Variants in CTNND2 observed in about 807,000 individuals in gnomAD.
CTNND2 encodes the protein catenin delta 2, also known as catenin delta-2.
In CTNND2, 22 loss-of-function variants were observed where a neutral mutation model predicts 144.4. The observed-to-expected ratio is 0.15, with a 90% confidence interval of 0.11 to 0.22. The LOEUF is 0.22. Ranked by LOEUF, CTNND2 falls within the 10% of genes least tolerant of loss-of-function variation. The pLI, the probability that CTNND2 is intolerant of heterozygous loss-of-function variation, is 1.00. For missense variants in CTNND2, 1,353 were observed against 1,618.8 expected, an observed-to-expected ratio of 0.84 and a Z score of 2.82; for synonymous variants, 751 against 695.6, an observed-to-expected ratio of 1.08 and a Z score of -1.25.
intron 9 of CTNND2, among the ~76,000 whole-genome samples, chr5:11,241,019 AAC>A (rs368420419): frequency 3.5e-4 from 51 of 144,710 alleles, no homozygotes; most frequent in African/African-American, 7.4e-4. Context: ...ACACACACCC[AAC>A]ACACACACCC....
chr5:11,301,275 C>A (rs895303571), intron 9 of CTNND2, among the ~76,000 whole-genome samples: 3 of 152,246 alleles, frequency 2.0e-5, no homozygotes, highest in African/African-American at 7.2e-5. Context: ...CCTCTGCCTC[C>A]CAAAGTGCTG....
intron 8 of CTNND2, among the ~76,000 whole-genome samples, chr5:11,357,936 G>GAATCTGC: frequency 6.6e-6 from 1 of 152,138 alleles, no homozygotes; most frequent in Non-Finnish European, 1.5e-5. Context: ...CTGCTAATGT[G>GAATCTGC]TAATTATGGT....
intron 2 of CTNND2, among the ~76,000 whole-genome samples, chr5:11,678,384 G>C (rs1581708496): frequency 6.6e-6 from 1 of 152,094 alleles, no homozygotes; most frequent in Non-Finnish European, 1.5e-5. Flanking sequence ...AAATTGGCTA[G>C]AGCTCTAGAC....
chr5:11,669,712 G>T (rs927462111), intron 2 of CTNND2, among the ~76,000 whole-genome samples: 2 of 151,712 alleles, frequency 1.3e-5, no homozygotes, highest in African/African-American at 2.4e-5. Context: ...TGGATTCATT[G>T]ATTTTTTTTT....
At chr5:11,499,349 T>C (rs1316848341) in intron 3 of CTNND2, among the ~76,000 whole-genome samples, 1 of 152,236 alleles carries the variant, frequency 6.6e-6, no homozygotes, top group Admixed American at 6.5e-5. Flanking sequence ...TAATTCTGCA[T>C]TGCCCTACAG....
chr5:11,860,308 G>T (rs1239995265), intron 1 of CTNND2, among the ~76,000 whole-genome samples: 1 of 152,134 alleles, frequency 6.6e-6, no homozygotes. Context: ...ACATTTGCTG[G>T]ACAACTCCGT....
chr5:11,633,766 G>A (rs1209927287), intron 2 of CTNND2, among the ~76,000 whole-genome samples: 1 of 129,194 alleles, frequency 7.7e-6, no homozygotes, highest in African/African-American at 3.0e-5. Flanking sequence ...ACAGAATGAG[G>A]CACTGTCTCA....
chr5:11,783,003 G>A (rs959231750), intron 1 of CTNND2, among the ~76,000 whole-genome samples: 10 of 152,300 alleles, frequency 6.6e-5, no homozygotes, highest in African/African-American at 2.4e-4. Flanking sequence ...CTGTGGCCCA[G>A]AGGGAATCGT....
At chr5:11,229,542 A>G (rs1740745020) in intron 10 of CTNND2, among the ~76,000 whole-genome samples, 1 of 152,140 alleles carries the variant, frequency 6.6e-6, no homozygotes, top group Admixed American at 6.6e-5. Flanking sequence ...ATAAATCAAT[A>G]GAAATATTTA....
intron 1 of CTNND2, among the ~76,000 whole-genome samples, chr5:11,850,956 A>G (rs1447904103): frequency 6.6e-6 from 1 of 152,238 alleles, no homozygotes; most frequent in Admixed American, 6.5e-5. Context: ...AGTTACAATC[A>G]GCTAACTTTA....
chr5:11,262,111 A>G (rs775499485), intron 9 of CTNND2, among the ~76,000 whole-genome samples: 1 of 152,162 alleles, frequency 6.6e-6, no homozygotes, highest in African/African-American at 2.4e-5. Flanking sequence ...CACGTTACCA[A>G]TCGAGACGTA....
At chr5:11,276,008 C>T (rs1053990204) in intron 9 of CTNND2, among the ~76,000 whole-genome samples, 2 of 152,176 alleles carry the variant, frequency 1.3e-5, no homozygotes, top group African/African-American at 2.4e-5. Flanking sequence ...TTCAAAACAA[C>T]CTTATTTCTT....
chr5:11,837,743 A>G (rs1045057248), intron 1 of CTNND2, among the ~76,000 whole-genome samples: 4 of 151,552 alleles, frequency 2.6e-5, no homozygotes, highest in African/African-American at 4.9e-5. Flanking sequence ...TTTTCCTTCG[A>G]AAAAAACAAA....
chr5:11,403,224 C>A (rs760096489), intron 5 of CTNND2, among the ~76,000 whole-genome samples: 9 of 152,018 alleles, frequency 5.9e-5, no homozygotes, highest in Non-Finnish European at 7.4e-5. Flanking sequence ...CTCCATCGGG[C>A]CTTGTATGTG....
At chr5:11,260,131 G>GT (rs1744710240) in intron 9 of CTNND2, among the ~76,000 whole-genome samples, 1 of 152,158 alleles carries the variant, frequency 6.6e-6, no homozygotes, top group African/African-American at 2.4e-5. Flanking sequence ...CTGCTGTGAA[G>GT]TGATGGAGAT....
intron 11 of CTNND2, among the ~76,000 whole-genome samples, chr5:11,179,280 G>A (rs948393243): frequency 4.6e-5 from 7 of 151,620 alleles, no homozygotes; most frequent in East Asian, 3.9e-4. Context: ...GTGACAGAGC[G>A]AGACTCCATC....
chr5:11,608,032 T>C (rs559504259), intron 2 of CTNND2, among the ~76,000 whole-genome samples: 217 of 152,232 alleles, frequency 1.4e-3, no homozygotes, highest in Non-Finnish European at 2.5e-3. Flanking sequence ...GATGCTGCTG[T>C]CTTAAGATAT....
chr5:11,844,717 A>G (rs1794651092), intron 1 of CTNND2, among the ~76,000 whole-genome samples: 1 of 152,108 alleles, frequency 6.6e-6, no homozygotes, highest in African/African-American at 2.4e-5. Flanking sequence ...ATTTTGATGA[A>G]CTGATTTTTA....
intron 9 of CTNND2, among the ~76,000 whole-genome samples, chr5:11,340,750 T>C (rs1754177268): frequency 6.6e-6 from 1 of 152,216 alleles, no homozygotes; most frequent in African/African-American, 2.4e-5. Context: ...TAGGTATGAA[T>C]GTCCATTACA....
Sources: allele counts gnomAD v4.1 joint callset (sites outside exome capture counted in the v4.1 genomes callset), GRCh38; gene constraint gnomAD v4.1.1; transcripts MANE v1.5; gene names NCBI Gene and HGNC (gene_info 2026-07-23, HGNC 2026-07-21).